Variants in BMPR1A observed in about 807,000 individuals in gnomAD.
BMPR1A encodes the protein bone morphogenetic protein receptor type-1A.
In BMPR1A, 7 loss-of-function variants were observed where a neutral mutation model predicts 66.0. That is an observed-to-expected ratio of 0.11 (90% CI 0.06 to 0.20). The LOEUF is 0.20. Among genes scored for constraint, BMPR1A ranks in the 10% least tolerant of loss-of-function variants. BMPR1A has a pLI of 1.00. For missense variants in BMPR1A, 408 were observed against 669.1 expected (o/e 0.61, Z 4.31); for synonymous variants, 200 against 229.7 (o/e 0.87, Z 1.17).
At chr10:86,793,093 T>TCCCC (rs1188686496) in intron 1 of BMPR1A, among the ~76,000 whole-genome samples, 14 of 130,056 alleles carry the variant, frequency 1.1e-4, no homozygotes, top group African/African-American at 2.7e-4. Context: ...TCCTGATCTA[T>TCCCC]ACCCCCCCCC....
intron 7 of BMPR1A, among the ~76,000 whole-genome samples, chr10:86,903,944 C>G (rs193198193): frequency 2.8e-4 from 43 of 152,274 alleles, no homozygotes; most frequent in African/African-American, 9.6e-4. Flanking sequence ...TGCTCTGTCA[C>G]CCAGGCTGGA....
In BMPR1A at chr10:86,923,368, C is replaced by T. The variant is rs188914676; in HGVS notation, c.1343-8C>T. On this transcript the variant is annotated splice_region_variant and splice_polypyrimidine_tract_variant and intron_variant, in intron 11 of 12. Transcript: ENST00000372037. ...TTTTTGTGCCCATGTTTTCTCATTCCCTTATAGGGATCGTGGAAGAATACC... is the reference window on the plus strand; with the variant it reads ...TTTTTGTGCCCATGTTTTCTCATTCTCTTATAGGGATCGTGGAAGAATACC... The T allele has an allele frequency of 6.2e-7, 1 of 1,613,910 alleles. No homozygotes were observed. The highest frequency in any genetic ancestry group is 1.1e-5 in the South Asian group (1 of 91,056).
intron 3 of BMPR1A, among the ~76,000 whole-genome samples, chr10:86,880,963 G>A (rs1446040450): frequency 6.6e-6 from 1 of 152,144 alleles, no homozygotes; most frequent in East Asian, 1.9e-4. Context: ...ACACTTGGGA[G>A]GCCAAGGCAG....
intron 2 of BMPR1A, among the ~76,000 whole-genome samples, chr10:86,842,092 GCA>G (rs1449379419): frequency 4.6e-5 from 7 of 152,194 alleles, no homozygotes; most frequent in Non-Finnish European, 1.0e-4. Context: ...TTGGTCAGAA[GCA>G]CAGGTAAAAT....
At chr10:86,809,611 T>TC (rs1841940747) in intron 1 of BMPR1A, among the ~76,000 whole-genome samples, 12 of 146,298 alleles carry the variant, frequency 8.2e-5, no homozygotes, top group East Asian at 6.1e-4. Context: ...TTTTTTTTTT[T>TC]TCTCTTTTTT....
Position 86,796,838 on chromosome 10 carries a change from A to G in BMPR1A, c.-268+39919A>G, listed in dbSNP as rs563712499. 1.1e-4 allele frequency among the ~76,000 whole-genome samples: 17 copies of G among 151,956 alleles called. 1 individual carries two copies. Among genetic ancestry groups the G allele is most frequent in the African/African-American group, 4.1e-4 (17 of 41,494 alleles). On this transcript the variant is annotated intron_variant, in intron 1 of 12. Coordinates refer to ENST00000372037, the MANE Select transcript of BMPR1A (RefSeq NM_004329.3). ...ATTGTCCCAGTGAGCTTTTTCCAAA[A>G]GAGAAAAGGTACAGCCAATAAAAGT...
chr10:86,769,251 G>T (rs1841212929), intron 1 of BMPR1A, among the ~76,000 whole-genome samples: 1 of 152,158 alleles, frequency 6.6e-6, no homozygotes, highest in Non-Finnish European at 1.5e-5. Flanking sequence ...AAACAAGTTG[G>T]TGTAAAAGAG....
chr10:86,931,242 C>CAA (rs1163664422), downstream of BMPR1A: 7 of 50,136 alleles, frequency 1.4e-4, no homozygotes, highest in Non-Finnish European at 1.7e-4. Flanking sequence ...CTCCGTCTCT[C>CAA]AAAAAAAAAA....
At chr10:86,778,637 A>G (rs1022418072) in intron 1 of BMPR1A, among the ~76,000 whole-genome samples, 1 of 152,146 alleles carries the variant, frequency 6.6e-6, no homozygotes, top group Non-Finnish European at 1.5e-5. Context: ...TTGAAACTGT[A>G]TATTATTGTT....
At chr10:86,896,188 G>T (rs1015137443) in intron 5 of BMPR1A, among the ~76,000 whole-genome samples, 27 of 150,710 alleles carry the variant, frequency 1.8e-4, no homozygotes, top group Admixed American at 9.3e-4. Flanking sequence ...AAAAGCTGAG[G>T]TGGGAGGATG....
chr10:86,909,599 G>GA (rs1217186207), intron 7 of BMPR1A, among the ~76,000 whole-genome samples: 7 of 135,048 alleles, frequency 5.2e-5, no homozygotes, highest in African/African-American at 3.2e-5. Context: ...AAAAAAAAAA[G>GA]AAAAAAAAGA....
At chr10:86,764,540 G>T (rs1053349741) in intron 1 of BMPR1A, among the ~76,000 whole-genome samples, 1 of 152,136 alleles carries the variant, frequency 6.6e-6, no homozygotes, top group African/African-American at 2.4e-5. Context: ...GTACTGCTTT[G>T]GTCATCATCC....
At chr10:86,910,246 G>A (rs540542200) in intron 7 of BMPR1A, among the ~76,000 whole-genome samples, 1 of 152,126 alleles carries the variant, frequency 6.6e-6, no homozygotes, top group Non-Finnish European at 1.5e-5. Context: ...CTGAGGCAGG[G>A]AGGATTGCTT....
chr10:86,802,805 T>A (rs1841830424), intron 1 of BMPR1A, among the ~76,000 whole-genome samples: 1 of 151,086 alleles, frequency 6.6e-6, no homozygotes, highest in Non-Finnish European at 1.5e-5. Flanking sequence ...ACAGACATGT[T>A]TAAAAAAAAA....
In BMPR1A at chr10:86,925,435, G is replaced by A. The variant is rs1843725987; in HGVS notation, c.*1716G>A. 1 of 215,856 alleles carries A rather than the reference G, an allele frequency of 4.6e-6. No individual in the cohort carries two copies. Among genetic ancestry groups the A allele is most frequent in the South Asian group, 1.8e-4 (1 of 5,410 alleles). The allele number at this position is 215,856 out of a possible 1,614,324, so 13.4% of individuals were successfully genotyped here. A position where few individuals can be genotyped will look rare whatever the true frequency, so the allele number is the denominator to read the frequency against. ...ATTTAAGGTTAAAACTTACAAATTT[G>A]TCTGCACATCAAATTTCACAAATTT... On this transcript the variant is annotated 3_prime_UTR_variant, in exon 13 of 13. Transcript: ENST00000372037.
intron 1 of BMPR1A, among the ~76,000 whole-genome samples, chr10:86,783,093 C>A (rs906219903): frequency 2.0e-5 from 3 of 152,162 alleles, no homozygotes; most frequent in Non-Finnish European, 2.9e-5. Flanking sequence ...ATGTGGACAT[C>A]CAGTTTTTCC....
intron 1 of BMPR1A, among the ~76,000 whole-genome samples, chr10:86,805,005 G>A (rs2132891293): frequency 6.6e-6 from 1 of 151,996 alleles, no homozygotes; most frequent in Non-Finnish European, 1.5e-5. Context: ...AGCCTCAGGC[G>A]TTCCTTGGGT....
rs751420248 is a variant in BMPR1A, at chr10:86,876,045, A to G, written c.27A>G (p.Arg9=). The G allele has an allele frequency of 3.7e-6, 6 of 1,611,852 alleles. No individual in the cohort carries two copies. In the East Asian group the frequency reaches 1.1e-4, roughly 30 times the overall value. ...TGCCTCAGCTATACATTTACATCAG[A>G]TTATTGGGAGCCTATTTGTTCATCA... The part of the protein sequence containing the change: MPQLYIYI[R]LLGAYLFIIS... Residue 9 remains arginine, a synonymous_variant, in exon 3 of 13, where the codon AGA becomes AGG. Transcript: ENST00000372037.
intron 2 of BMPR1A, among the ~76,000 whole-genome samples, chr10:86,847,557 G>A (rs905095884): frequency 6.6e-6 from 1 of 151,226 alleles, no homozygotes; most frequent in African/African-American, 2.4e-5. Flanking sequence ...ATTTTTAAAA[G>A]ATTATATATT....
Sources: gnomAD v4.1 joint callset for allele counts (sites outside exome capture counted in the v4.1 genomes callset) on GRCh38, gnomAD v4.1.1 for gene constraint, MANE v1.5 for transcripts, NCBI Gene and HGNC (gene_info 2026-07-23, HGNC 2026-07-21) for gene names.